SPATS2: variants seen among roughly 807,000 people sequenced by gnomAD.
The protein encoded by SPATS2 is spermatogenesis-associated serine-rich protein 2.
A neutral mutation model predicts 63.7 loss-of-function variants in SPATS2; 38 were observed. The observed-to-expected ratio is 0.60, with a 90% CI of 0.46 to 0.78. The LOEUF is 0.78. Ranked by LOEUF, SPATS2 falls within the 30% of genes least tolerant of loss-of-function variation. SPATS2 has a pLI of 0.00. For missense variants in SPATS2, 588 were observed against 666.2 expected, an observed-to-expected ratio of 0.88 and a Z score of 1.29; for synonymous variants, 207 against 232.9, an observed-to-expected ratio of 0.89 and a Z score of 1.01.
chr12:49,512,554 A>G (rs1433466305), intron 9 of SPATS2, among the ~76,000 whole-genome samples: 3 of 151,278 alleles, frequency 2.0e-5, no homozygotes, highest in South Asian at 2.1e-4. Context: ...TCTCACAGGG[A>G]AAAAAAAATG....
intron 8 of SPATS2, among the ~76,000 whole-genome samples, chr12:49,498,143 AAAATATAT>A (rs1267494105): frequency 2.1e-5 from 2 of 95,110 alleles, no homozygotes; most frequent in East Asian, 2.3e-4. Flanking sequence ...AAAAAAAAAA[AAAATATAT>A]ATATATATAT....
chr12:49,453,856 CTTTTTTTTTT>C lies in SPATS2; in HGVS notation c.-243-6899_-243-6890del, dbSNP rs869155580. Among the ~76,000 whole-genome samples, 167 of 76,220 alleles carry C rather than the reference CTTTTTTTTTT, an allele frequency of 2.2e-3. 3 individuals carry two copies. The highest frequency in any genetic ancestry group is 8.1e-3 in the African/African-American group (148 of 18,210). 50.0% of individuals were successfully genotyped at this position (76,220 alleles called of 152,430 possible). On this transcript the variant is annotated intron_variant, in intron 2 of 13. Transcript: ENST00000552918. ...ACACAGAATTGCAGCAAATAGCATT[CTTTTTTTTTT>C]TTTTTTTTTTTTTTGAGACGGAGTC...
intron 2 of SPATS2, among the ~76,000 whole-genome samples, chr12:49,398,262 A>G (rs913348771): frequency 4.0e-5 from 6 of 151,716 alleles, no homozygotes; most frequent in Admixed American, 3.9e-4. Flanking sequence ...AAAAAATTTT[A>G]TTTGCAATGC....
intron 6 of SPATS2, among the ~76,000 whole-genome samples, chr12:49,494,380 T>G (rs900389888): frequency 6.6e-6 from 1 of 152,224 alleles, no homozygotes; most frequent in Non-Finnish European, 1.5e-5. Flanking sequence ...TTATACTATT[T>G]TTTTCTATGG....
chr12:49,495,147 C>A, intron 7 of SPATS2, 145 bp downstream of exon 7: 3 of 849,676 alleles, frequency 3.5e-6, no homozygotes, highest in Non-Finnish European at 4.9e-6. Flanking sequence ...GTTTTTGTTA[C>A]TTTTTGTCTG....
At chr12:49,490,470 C>T (rs1440138371) in intron 5 of SPATS2, among the ~76,000 whole-genome samples, 1 of 152,228 alleles carries the variant, frequency 6.6e-6, no homozygotes, top group Admixed American at 6.5e-5. Context: ...GGAAATTACT[C>T]GGAGAGGAGG....
At chr12:49,466,742 A>G (rs12306785) in intron 3 of SPATS2, among the ~76,000 whole-genome samples, 3,499 of 152,302 alleles carry the variant, frequency 0.023, 49 homozygotes, top group African/African-American at 0.036. Flanking sequence ...ACATCCTCCA[A>G]TGATTTTCCC....
chr12:49,453,084 G>A (rs1277846589), intron 2 of SPATS2, among the ~76,000 whole-genome samples: 4 of 151,762 alleles, frequency 2.6e-5, no homozygotes, highest in South Asian at 2.1e-4. Flanking sequence ...GCATGAACCC[G>A]GGAGGCGGAG....
intron 6 of SPATS2, among the ~76,000 whole-genome samples, chr12:49,492,862 G>A (rs766688149): frequency 1.1e-4 from 17 of 151,954 alleles, no homozygotes; most frequent in Non-Finnish European, 1.2e-4. Context: ...TTGGGAGGTC[G>A]AGGCAGGTGG....
intron 2 of SPATS2, among the ~76,000 whole-genome samples, chr12:49,421,394 GC>G (rs1223566169): frequency 3.7e-5 from 5 of 136,836 alleles, no homozygotes; most frequent in Non-Finnish European, 7.6e-5. Flanking sequence ...TCCAGCCTGG[GC>G]AACAGAGCAA....
In SPATS2 at chr12:49,460,841, A is replaced by G. The variant is rs1333829677; in HGVS notation, c.-172A>G. 9.2e-6 allele frequency: 6 copies of G among 650,106 alleles called. No individual in the cohort carries two copies. The Admixed American group carries it at 1.5e-4, about 16-fold the overall frequency. The allele number at this position is 650,106 out of a possible 1,614,324, so 40.3% of individuals were successfully genotyped here. On this transcript the variant is annotated 5_prime_UTR_variant, in exon 3 of 14. Transcript: ENST00000552918. Reference sequence around the variant, plus strand: ...GACAAGAAGTTGATACAAGAAAAGGAAAGGAGATTAACAGCTAGTGAGCAG... The same window carrying G: ...GACAAGAAGTTGATACAAGAAAAGGGAAGGAGATTAACAGCTAGTGAGCAG...
intron 2 of SPATS2, among the ~76,000 whole-genome samples, chr12:49,447,492 C>T (rs1945535206): frequency 6.6e-6 from 1 of 152,220 alleles, no homozygotes. Context: ...CCACCTCGGC[C>T]TCCCAAAGTG....
chr12:49,417,982 C>G (rs966836323), intron 2 of SPATS2, among the ~76,000 whole-genome samples: 2 of 152,176 alleles, frequency 1.3e-5, no homozygotes, highest in African/African-American at 2.4e-5. Flanking sequence ...CCGGCTTATG[C>G]CATCCTCCCA....
intron 2 of SPATS2, among the ~76,000 whole-genome samples, chr12:49,380,811 G>A (rs1944205374): frequency 6.6e-6 from 1 of 150,888 alleles, no homozygotes; most frequent in South Asian, 2.1e-4. Flanking sequence ...TATAGTATTT[G>A]TTTGAATACC....
chr12:49,499,132 A>G (rs549497016), intron 8 of SPATS2, among the ~76,000 whole-genome samples: 1 of 152,166 alleles, frequency 6.6e-6, no homozygotes, highest in Non-Finnish European at 1.5e-5. Context: ...TTTCTACTCA[A>G]TTCTATCATC....
chr12:49,487,643 G>A (rs986281612), intron 4 of SPATS2, among the ~76,000 whole-genome samples: 4 of 152,100 alleles, frequency 2.6e-5, no homozygotes, highest in Admixed American at 2.0e-4. Flanking sequence ...TGTCACCCAG[G>A]CTGGAATGCA....
chr12:49,415,044 A>AT (rs1944865313), intron 2 of SPATS2, among the ~76,000 whole-genome samples: 1 of 144,352 alleles, frequency 6.9e-6, no homozygotes, highest in African/African-American at 2.6e-5. Context: ...CATTCAAGTG[A>AT]TTCTCCTGCC....
At chr12:49,375,188 GTGT>G (rs1280519373) in intron 2 of SPATS2, among the ~76,000 whole-genome samples, 7 of 94,324 alleles carry the variant, frequency 7.4e-5, no homozygotes, top group Non-Finnish European at 1.3e-4. Context: ...GTGTGTGTGT[GTGT>G]GTGTGGTGGT....
At chr12:49,367,865 T>G (rs1217292275) in intron 1 of SPATS2, among the ~76,000 whole-genome samples, 4 of 151,362 alleles carry the variant, frequency 2.6e-5, no homozygotes, top group Non-Finnish European at 5.9e-5. Flanking sequence ...CGTGAGCGTG[T>G]GTGGGGTATT....
Sources: gnomAD v4.1 joint callset for allele counts (sites outside exome capture counted in the v4.1 genomes callset) on GRCh38, gnomAD v4.1.1 for gene constraint, MANE v1.5 for transcripts, NCBI Gene and HGNC (gene_info 2026-07-23, HGNC 2026-07-21) for gene names.